Variants in HEATR1 observed in about 807,000 individuals in gnomAD.
HEATR1 encodes HEAT repeat-containing protein 1.
Under a neutral mutation model 248.2 loss-of-function variants are expected in HEATR1, and 77 were observed. The observed-to-expected ratio is 0.31, with a 90% CI of 0.26 to 0.37. The LOEUF (loss-of-function observed/expected upper bound fraction) is 0.37. Ranked by LOEUF, HEATR1 falls within the 10% of genes least tolerant of loss-of-function variation. The probability of loss-of-function intolerance (pLI) is 1.00; values close to 1 mark genes in which losing one functional copy is unlikely to be tolerated. For synonymous variants in HEATR1, 897 were observed against 923.1 expected, an observed-to-expected ratio of 0.97 and a Z score of 0.51; for missense variants, 2,420 against 2,504.9, an observed-to-expected ratio of 0.97 and a Z score of 0.72.
At chr1:236,590,688 C>A (rs1262407339) in intron 12 of HEATR1, among the ~76,000 whole-genome samples, 159 bp downstream of exon 12, 1 of 152,138 alleles carries the variant, frequency 6.6e-6, no homozygotes, top group Non-Finnish European at 1.5e-5. Context: ...GGACAACTGG[C>A]ATACACAGTC....
At chr1:236,574,999 T>C in intron 22 of HEATR1, 96 bp from the exon 23 acceptor site, 2 of 1,237,414 alleles carry the variant, frequency 1.6e-6, no homozygotes, top group South Asian at 3.1e-5. Context: ...AAGATGGGAG[T>C]TTAGCCTGGA....
chr1:236,564,459 A>C, intron 32 of HEATR1, 39 bp downstream of exon 32: 2 of 1,586,494 alleles, frequency 1.3e-6, no homozygotes, highest in Non-Finnish European at 1.7e-6. Context: ...TGGAGACAGC[A>C]GAATACCTTT....
Position 236,564,538 on chromosome 1 carries a change from A to C in HEATR1, c.4559T>G (p.Phe1520Cys). Residue 1520 changes from phenylalanine (F) to cysteine (C), a missense_variant, in exon 32 of 45, where the codon TTC (phenylalanine) becomes TGC (cysteine). Physicochemically the swap from Phe to Cys is radical, Grantham distance 205. Transcript: ENST00000366582. ...LRHFKFLSVS[F>C]MSQLLSSNNF... ...ATTGGAAGACAGGAGCTGAGACATG[A>C]AGGACACTGACAAAAATTTAAAATG... 1 of 1,613,970 alleles carries C rather than the reference A, an allele frequency of 6.2e-7. No individual in the cohort carries two copies. Among genetic ancestry groups the C allele is most frequent in the East Asian group, 2.2e-5 (1 of 44,870 alleles).
chr1:236,585,025 C>A lies in HEATR1; in HGVS notation c.2241G>T (p.Val747=). 2 of 1,609,846 alleles carry A rather than the reference C, an allele frequency of 1.2e-6. No individual in the cohort carries two copies. Among genetic ancestry groups the A allele is most frequent in the South Asian group, 2.2e-5 (2 of 90,302 alleles). Residue 747 remains valine, a splice_region_variant and synonymous_variant, in exon 17 of 45, where the codon GTG becomes GTT. Transcript: ENST00000366582. ...IKKLESVITA[V]EIPSEWHIEL... ...TTTCTGGAGATTCTGCTTTCCTTACCACTGCAGTAATGACACTTTCAAGCT... is the reference window on the plus strand; with the variant it reads ...TTTCTGGAGATTCTGCTTTCCTTACAACTGCAGTAATGACACTTTCAAGCT...
chr1:236,560,172 C>G (rs1052940495), intron 33 of HEATR1, among the ~76,000 whole-genome samples: 5 of 151,828 alleles, frequency 3.3e-5, no homozygotes, highest in African/African-American at 9.7e-5. Flanking sequence ...GTGGGGTGTT[C>G]AGGGAGTTAT....
At chr1:236,551,913 T>C in intron 44 of HEATR1, 86 bp downstream of exon 44, 1 of 871,754 alleles carries the variant, frequency 1.1e-6, no homozygotes, top group Non-Finnish European at 1.9e-6. Context: ...TATATCCAAA[T>C]CTGCATTATC....
At chr1:236,570,682 T>C (rs1418677231) in intron 28 of HEATR1, among the ~76,000 whole-genome samples, 1 of 151,874 alleles carries the variant, frequency 6.6e-6, no homozygotes. Context: ...ACAGAAAAAA[T>C]ATTAATGATT....
rs752821317 is a variant in HEATR1, at chr1:236,555,477, G to C, written c.5755-13C>G. The C allele has an allele frequency of 3.7e-6, 6 of 1,614,152 alleles. No individual in the cohort carries two copies. In the South Asian group the frequency reaches 6.6e-5, roughly 18 times the overall value. On this transcript the variant is annotated splice_polypyrimidine_tract_variant and intron_variant, in intron 40 of 44. Transcript: ENST00000366582. ...CCCAATCAAACAGCTGAAAGGATAAGACAGTATTAGTTTCTTCGACATCTT... is the reference window on the plus strand; with the variant it reads ...CCCAATCAAACAGCTGAAAGGATAACACAGTATTAGTTTCTTCGACATCTT...
At chr1:236,578,747 A>G (rs1303866952) in intron 20 of HEATR1, among the ~76,000 whole-genome samples, 1 of 152,196 alleles carries the variant, frequency 6.6e-6, no homozygotes, top group Non-Finnish European at 1.5e-5. Flanking sequence ...TTTTGTCTGT[A>G]GGCTTTCTCA....
At chr1:236,574,478 G>A in intron 23 of HEATR1, 145 bp from the exon 24 acceptor site, 1 of 1,208,818 alleles carries the variant, frequency 8.3e-7, no homozygotes, top group Non-Finnish European at 1.1e-6. Flanking sequence ...AATGACCCAT[G>A]TACAACGTTC....
chr1:236,590,024 A>T (rs1057262552), intron 12 of HEATR1, among the ~76,000 whole-genome samples: 1 of 152,256 alleles, frequency 6.6e-6, no homozygotes, highest in African/African-American at 2.4e-5. Flanking sequence ...ATCATTACCA[A>T]GTCTTCATAC....
intron 23 of HEATR1, 61 bp from the exon 24 acceptor site, chr1:236,574,394 T>C (rs1037051780): frequency 1.3e-6 from 2 of 1,516,988 alleles, no homozygotes; most frequent in Non-Finnish European, 1.8e-6. Context: ...CCAGAAATAA[T>C]TTTTATATCA....
chr1:236,588,428 C>T (rs1275162812), intron 12 of HEATR1, among the ~76,000 whole-genome samples: 3 of 152,154 alleles, frequency 2.0e-5, no homozygotes, highest in Non-Finnish European at 2.9e-5. Flanking sequence ...TTAGTCAAGT[C>T]ACTTAACCTT....
chr1:236,601,139 T>A, intron 3 of HEATR1, among the ~76,000 whole-genome samples: 1 of 152,346 alleles, frequency 6.6e-6, no homozygotes, highest in South Asian at 2.1e-4. Context: ...AAATATTCTT[T>A]GTCTGATTGC....
Position 236,550,711 on chromosome 1 carries a change from C to A in HEATR1, c.*191G>T, listed in dbSNP as rs76933417. The A allele has an allele frequency of 1.8e-3, 944 of 525,180 alleles. 7 individuals are homozygous for A. The highest frequency in any genetic ancestry group is 0.016 in the African/African-American group (847 of 51,984). The allele number at this position is 525,180 out of a possible 1,614,324, so 32.5% of individuals were successfully genotyped here. A position where few individuals can be genotyped will look rare whatever the true frequency, so the allele number is the denominator to read the frequency against. ...CATTTACTCTTTCTGCAGCTCTATA[C>A]GATAGGCAGGAGAGGCTTATGTGGC... On this transcript the variant is annotated 3_prime_UTR_variant, in exon 45 of 45. Transcript: ENST00000366582.
At chr1:236,591,789 T>C (rs936761807) in intron 11 of HEATR1, among the ~76,000 whole-genome samples, 10 of 152,228 alleles carry the variant, frequency 6.6e-5, no homozygotes, top group Non-Finnish European at 1.3e-4. Context: ...ACGTTCATAG[T>C]TATGTACAAA....
intron 3 of HEATR1, among the ~76,000 whole-genome samples, chr1:236,602,617 T>C (rs372015999): frequency 2.0e-5 from 3 of 152,204 alleles, no homozygotes; most frequent in Non-Finnish European, 2.9e-5. Flanking sequence ...CAAAGTAGCA[T>C]GGGCTCTTCA....
chr1:236,554,962 C>T (rs1264727738), intron 41 of HEATR1, among the ~76,000 whole-genome samples: 1 of 152,188 alleles, frequency 6.6e-6, no homozygotes, highest in Non-Finnish European at 1.5e-5. Context: ...CTCACTCTGG[C>T]AAGTTAAATT....
intron 3 of HEATR1, among the ~76,000 whole-genome samples, chr1:236,599,955 C>G (rs554170123): frequency 6.6e-6 from 1 of 151,420 alleles, no homozygotes; most frequent in Non-Finnish European, 1.5e-5. Flanking sequence ...TGCAGTGGCA[C>G]GATCACGGGT....
Sources: allele counts gnomAD v4.1 joint callset (sites outside exome capture counted in the v4.1 genomes callset), GRCh38; gene constraint gnomAD v4.1.1; transcripts MANE v1.5; gene names NCBI Gene and HGNC (gene_info 2026-07-23, HGNC 2026-07-21).